Variants in CFAP96 observed in about 807,000 individuals in gnomAD.
CFAP96 encodes cilia and flagella associated protein 96, also known as cilia-and flagella-associated protein 96.
chr4:185,420,969 C>G, the CFAP96 span, among the ~76,000 whole-genome samples: 1 of 152,100 alleles, frequency 6.6e-6, no homozygotes, highest in African/African-American at 2.4e-5. Context: ...AGTATGTTTT[C>G]AGTTTATATC....
chr4:185,431,036 C>A, the CFAP96 span, among the ~76,000 whole-genome samples: 115 of 151,986 alleles, frequency 7.6e-4, no homozygotes, highest in African/African-American at 2.6e-3. Flanking sequence ...ATGGTGAAAC[C>A]CCGTCTCTAC....
At chr4:185,420,525 C>T in the CFAP96 span, among the ~76,000 whole-genome samples, 1 of 152,148 alleles carries the variant, frequency 6.6e-6, no homozygotes, top group African/African-American at 2.4e-5. Flanking sequence ...AAACAACGAC[C>T]ATACTGGTAT....
At chr4:185,418,331 C>T in the CFAP96 span, 1 of 798,884 alleles carries the variant, frequency 1.3e-6, no homozygotes, top group East Asian at 2.7e-5. Context: ...TTTTGGACAT[C>T]AATATTCTGA....
At chr4:185,430,373 G>A in the CFAP96 span, among the ~76,000 whole-genome samples, 1 of 152,258 alleles carries the variant, frequency 6.6e-6, no homozygotes, top group African/African-American at 2.4e-5. Flanking sequence ...GTGCAGAATA[G>A]TCTATATAGT....
chr4:185,448,879 G>C, the CFAP96 span, among the ~76,000 whole-genome samples: 1 of 148,736 alleles, frequency 6.7e-6, no homozygotes, highest in East Asian at 1.9e-4. Context: ...TTGGAACAGG[G>C]AGAAAGAGAA....
At chr4:185,418,047 A>AACACACACAC in the CFAP96 span, among the ~76,000 whole-genome samples, 127 of 143,050 alleles carry the variant, frequency 8.9e-4, 1 homozygote, top group South Asian at 2.0e-3. Context: ...TCCATCTCAA[A>AACACACACAC]ACACACACAC....
chr4:185,441,299 A>G, the CFAP96 span, among the ~76,000 whole-genome samples: 1 of 152,176 alleles, frequency 6.6e-6, no homozygotes, highest in Non-Finnish European at 1.5e-5. Context: ...ACCTTAGTCA[A>G]TACTTTTTTT....
At chr4:185,435,879 CAT>C in the CFAP96 span, among the ~76,000 whole-genome samples, 1 of 39,964 alleles carries the variant, frequency 2.5e-5, no homozygotes, top group African/African-American at 4.6e-5. Context: ...ATATTAAAAA[CAT>C]ATCTTATGTC....
the CFAP96 span, chr4:185,416,004 G>A: frequency 3.1e-6 from 2 of 637,342 alleles, no homozygotes; most frequent in African/African-American, 1.9e-5. Flanking sequence ...AGTGAAAAGG[G>A]GGAAAGAGTA....
At chr4:185,416,590 TA>T in the CFAP96 span, among the ~76,000 whole-genome samples, 3 of 151,764 alleles carry the variant, frequency 2.0e-5, no homozygotes, top group Admixed American at 6.6e-5. Flanking sequence ...TTTACACAGA[TA>T]AAAATGAACG....
chr4:185,436,581 G>C, the CFAP96 span, among the ~76,000 whole-genome samples: 1 of 151,838 alleles, frequency 6.6e-6, no homozygotes, highest in Non-Finnish European at 1.5e-5. Flanking sequence ...GTGGTGGCGG[G>C]CACCTGTAAT....
At chr4:185,410,244 T>C in the CFAP96 span, among the ~76,000 whole-genome samples, 1 of 151,906 alleles carries the variant, frequency 6.6e-6, no homozygotes, top group Non-Finnish European at 1.5e-5. Flanking sequence ...AAAACCATAA[T>C]AGAAAAATAT....
At chr4:185,417,516 C>T in the CFAP96 span, among the ~76,000 whole-genome samples, 1 of 152,242 alleles carries the variant, frequency 6.6e-6, no homozygotes, top group Non-Finnish European at 1.5e-5. Context: ...CTCTTGTATG[C>T]AATCCCTCTT....
the CFAP96 span, among the ~76,000 whole-genome samples, chr4:185,443,171 G>A: frequency 6.6e-6 from 1 of 151,412 alleles, no homozygotes; most frequent in Non-Finnish European, 1.5e-5. Flanking sequence ...GGGTGGCTCT[G>A]CTAATTTTCT....
the CFAP96 span, chr4:185,418,418 C>G: frequency 1.3e-6 from 2 of 1,561,698 alleles, no homozygotes; most frequent in Non-Finnish European, 1.8e-6. Flanking sequence ...TTTATCAGTA[C>G]AGAAGACAGA....
At chr4:185,443,722 A>C in the CFAP96 span, among the ~76,000 whole-genome samples, 1 of 151,876 alleles carries the variant, frequency 6.6e-6, no homozygotes, top group Non-Finnish European at 1.5e-5. Flanking sequence ...TCTATTACAG[A>C]TTTAGCTATG....
At chr4:185,444,347 A>T in the CFAP96 span, among the ~76,000 whole-genome samples, 9 of 152,104 alleles carry the variant, frequency 5.9e-5, no homozygotes, top group African/African-American at 2.2e-4. Flanking sequence ...ATTCTATAGA[A>T]TTTTCCTGTG....
At chr4:185,415,060 A>C in the CFAP96 span, 1 of 1,095,398 alleles carries the variant, frequency 9.1e-7, no homozygotes, top group Non-Finnish European at 1.3e-6. Context: ...AAGTTAAATC[A>C]CAAAATACCT....
chr4:185,411,541 AAAAT>A, the CFAP96 span, among the ~76,000 whole-genome samples: 1 of 152,248 alleles, frequency 6.6e-6, no homozygotes, highest in Non-Finnish European at 1.5e-5. Flanking sequence ...AGGGGAATAA[AAAAT>A]AATGAGTCAT....
Sources: gnomAD v4.1 joint callset for allele counts (sites outside exome capture counted in the v4.1 genomes callset) on GRCh38, gnomAD v4.1.1 for gene constraint, MANE v1.5 for transcripts, NCBI Gene and HGNC (gene_info 2026-07-23, HGNC 2026-07-21) for gene names.